SGIP1: variants seen among roughly 807,000 people sequenced by gnomAD.
SGIP1 encodes SH3GL interacting endocytic adaptor 1.
In SGIP1, 38 loss-of-function variants were observed where a neutral mutation model predicts 107.5. The ratio of observed to expected loss-of-function variants is 0.35; its 90% confidence interval spans 0.27 to 0.46. The LOEUF (loss-of-function observed/expected upper bound fraction) is 0.46, where lower values mean the gene tolerates loss of function less well. Among genes scored for constraint, SGIP1 ranks in the 20% least tolerant of loss-of-function variants. The probability of loss-of-function intolerance (pLI) is 1.00; values close to 1 mark genes in which losing one functional copy is unlikely to be tolerated. For synonymous variants in SGIP1, 365 were observed against 366.1 expected (o/e 1.00, Z 0.03); for missense variants, 929 against 1,019.5 (o/e 0.91, Z 1.21).
chr1:66,558,372 C>T (rs908598976), intron 1 of SGIP1, among the ~76,000 whole-genome samples: 3 of 151,918 alleles, frequency 2.0e-5, no homozygotes, highest in Non-Finnish European at 4.4e-5. Flanking sequence ...GCACCAAGCT[C>T]CACAGATTTT....
chr1:66,722,952 T>C (rs1192794691), intron 19 of SGIP1, among the ~76,000 whole-genome samples: 1 of 152,234 alleles, frequency 6.6e-6, no homozygotes, highest in Non-Finnish European at 1.5e-5. Context: ...TGGATGTATA[T>C]GGAATCTGTT....
At chr1:66,685,572 A>G (rs1192019461) in intron 15 of SGIP1, among the ~76,000 whole-genome samples, 2 of 152,208 alleles carry the variant, frequency 1.3e-5, no homozygotes, top group Non-Finnish European at 2.9e-5. Context: ...CCAACTTGGG[A>G]AACTAAAGAT....
intron 1 of SGIP1, among the ~76,000 whole-genome samples, chr1:66,599,541 C>T (rs1327751649): frequency 6.6e-6 from 1 of 152,210 alleles, no homozygotes; most frequent in Non-Finnish European, 1.5e-5. Context: ...TGTACTCTCT[C>T]TCCAAATCCT....
intron 21 of SGIP1, among the ~76,000 whole-genome samples, chr1:66,736,425 G>A (rs561431540): frequency 4.1e-5 from 4 of 97,020 alleles, no homozygotes; most frequent in Admixed American, 1.0e-4. Context: ...ATAATATATT[G>A]CGTATTATAT....
chr1:66,720,745 TA>T (rs2093489170), intron 19 of SGIP1, among the ~76,000 whole-genome samples: 1 of 152,052 alleles, frequency 6.6e-6, no homozygotes, highest in Non-Finnish European at 1.5e-5. Context: ...AATACAATTT[TA>T]AAAACTGGAG....
At chr1:66,639,888 G>A in intron 5 of SGIP1, 55 bp downstream of exon 5, 1 of 1,423,994 alleles carries the variant, frequency 7.0e-7, no homozygotes. Flanking sequence ...TTAAAAATGA[G>A]TTGAGGCATT....
At position 66,746,288 on chromosome 1, in the gene SGIP1, T is replaced by G. The variant is rs908024958; in HGVS notation, c.*3193T>G. The G allele has an allele frequency of 3.3e-5, 5 of 152,196 alleles. No individual in the cohort carries two copies. The highest frequency in any genetic ancestry group is 7.4e-5 in the Non-Finnish European group (5 of 68,004). The allele number at this position is 152,196 out of a possible 1,614,324, so 9.4% of individuals were successfully genotyped here. On this transcript the variant is annotated 3_prime_UTR_variant, in exon 25 of 25. Transcript: ENST00000371037. ...GGATTGCCAGTGGTTTTCAAGCTTTTCTTAACAGCAGGGCTTTTTTTCTAA... is the reference window on the plus strand; with the variant it reads ...GGATTGCCAGTGGTTTTCAAGCTTTGCTTAACAGCAGGGCTTTTTTTCTAA...
chr1:66,675,537 CTTTCT>C lies in SGIP1; in HGVS notation c.647-1463_647-1459del, dbSNP rs1359638766. 6.1e-3 allele frequency among the ~76,000 whole-genome samples: 666 copies of C among 109,190 alleles called. 69 individuals carry two copies. The highest frequency in any genetic ancestry group is 0.025 in the African/African-American group (614 of 24,230). 71.6% of individuals were successfully genotyped at this position (109,190 alleles called of 152,430 possible). ...TTTCGTTGTTTTTCTTTTTCTTTTT[CTTTCT>C]TTTTTTTTTTTTTTTTTGACAGAAT... On this transcript the variant is annotated intron_variant, in intron 12 of 24. Coordinates refer to ENST00000371037, the MANE Select transcript of SGIP1 (RefSeq NM_032291.4).
At chr1:66,564,652 G>A (rs1333643483) in intron 1 of SGIP1, among the ~76,000 whole-genome samples, 2 of 151,908 alleles carry the variant, frequency 1.3e-5, no homozygotes, top group Non-Finnish European at 2.9e-5. Flanking sequence ...AGGAAATCAT[G>A]CTGCATCAGT....
Position 66,682,058 on chromosome 1 carries a change from C to G in SGIP1, c.1004C>G (p.Ser335Cys). Reference protein sequence around the residue: ...PELTPREKVVSPPATPDNPAD... With the variant: ...PELTPREKVVCPPATPDNPAD... ...TTGACTCCAAGGGAAAAAGTGGTGT[C>G]CCCACCAGCTACACCAGACAACCCA... Residue 335 changes from serine to cysteine, a missense_variant, in exon 15 of 25, where the codon TCC becomes TGC. Physicochemically the swap from Ser to Cys is moderately radical, Grantham distance 112. Coordinates refer to ENST00000371037, the MANE Select transcript of SGIP1 (RefSeq NM_032291.4). The G allele has an allele frequency of 6.2e-7, 1 of 1,614,160 alleles. No individual in the cohort carries two copies. Among genetic ancestry groups the G allele is most frequent in the Non-Finnish European group, 8.5e-7 (1 of 1,180,008 alleles).
At chr1:66,591,929 G>A (rs2063704831) in intron 1 of SGIP1, among the ~76,000 whole-genome samples, 1 of 152,188 alleles carries the variant, frequency 6.6e-6, no homozygotes, top group Non-Finnish European at 1.5e-5. Context: ...AAACATTTTA[G>A]TGCAGTAAAG....
intron 15 of SGIP1, among the ~76,000 whole-genome samples, chr1:66,687,080 G>A (rs2088524324): frequency 6.6e-6 from 1 of 152,086 alleles, no homozygotes; most frequent in South Asian, 2.1e-4. Context: ...ACACTGCCTT[G>A]GTGAAGTCTC....
chr1:66,615,376 G>T (rs566171304), intron 1 of SGIP1, among the ~76,000 whole-genome samples: 1 of 151,800 alleles, frequency 6.6e-6, no homozygotes, highest in Admixed American at 6.6e-5. Flanking sequence ...CAGGTGACCC[G>T]CCTGCCTCAG....
chr1:66,692,828 C>T (rs2090155281), intron 17 of SGIP1, among the ~76,000 whole-genome samples: 1 of 152,086 alleles, frequency 6.6e-6, no homozygotes, highest in African/African-American at 2.4e-5. Flanking sequence ...AGAAGATGCC[C>T]CTAAATGACT....
chr1:66,729,352 C>T lies in SGIP1; in HGVS notation c.1831C>T (p.Leu611=). Residue 611 remains leucine (L), a synonymous_variant, in exon 20 of 25, where the codon CTG becomes TTG. Transcript: ENST00000371037. ...HFANNPSPAA[L]TFRVINFSRL... The stretch of plus-strand genomic sequence containing the variant: ...TGCCAACAACCCGTCCCCAGCTGCT[C>T]TGACTTTTCGGGTGATAAATTTCAG... The T allele has an allele frequency of 6.2e-7, 1 of 1,614,160 alleles. No individual in the cohort carries two copies. The highest frequency in any genetic ancestry group is 8.5e-7 in the Non-Finnish European group (1 of 1,180,018).
chr1:66,655,842 G>C (rs1256062076), intron 7 of SGIP1, among the ~76,000 whole-genome samples: 4 of 152,094 alleles, frequency 2.6e-5, no homozygotes, highest in African/African-American at 9.7e-5. Flanking sequence ...CCTAGGACAT[G>C]ACTGGACACT....
At chr1:66,572,086 G>A (rs754522054) in intron 1 of SGIP1, among the ~76,000 whole-genome samples, 2 of 151,970 alleles carry the variant, frequency 1.3e-5, no homozygotes, top group Non-Finnish European at 2.9e-5. Flanking sequence ...CAACAAACAA[G>A]AGGTGCATGA....
intron 17 of SGIP1, chr1:66,695,170 C>T (rs1203004326): frequency 4.8e-6 from 3 of 627,900 alleles, no homozygotes; most frequent in Non-Finnish European, 7.8e-6. Flanking sequence ...TCCATGCACA[C>T]AAGCACCAAG....
intron 1 of SGIP1, among the ~76,000 whole-genome samples, chr1:66,550,655 C>G (rs552441540): frequency 6.6e-6 from 1 of 152,074 alleles, no homozygotes; most frequent in African/African-American, 2.4e-5. Flanking sequence ...TGAGCTCCTG[C>G]GACATGCCGG....
Sources: gnomAD v4.1 joint callset for allele counts (sites outside exome capture counted in the v4.1 genomes callset) on GRCh38, gnomAD v4.1.1 for gene constraint, MANE v1.5 for transcripts, NCBI Gene and HGNC (gene_info 2026-07-23, HGNC 2026-07-21) for gene names.